SDCCAG8: variants seen among roughly 807,000 people sequenced by gnomAD.
SDCCAG8 encodes serologically defined colon cancer antigen 8.
A neutral mutation model predicts 101.8 loss-of-function variants in SDCCAG8; 74 were observed. The observed-to-expected ratio is 0.73, with a 90% CI of 0.60 to 0.88. The LOEUF is 0.88. Ranked by LOEUF, SDCCAG8 falls within the 40% of genes least tolerant of loss-of-function variation. The probability of loss-of-function intolerance (pLI) is 0.00; values close to 1 mark genes in which losing one functional copy is unlikely to be tolerated. For synonymous variants in SDCCAG8, 281 were observed against 292.9 expected (o/e 0.96, Z 0.41); for missense variants, 787 against 822.6 (o/e 0.96, Z 0.53).
chr1:243,303,043 A>G (rs757304910), intron 6 of SDCCAG8, among the ~76,000 whole-genome samples: 7 of 152,206 alleles, frequency 4.6e-5, no homozygotes, highest in African/African-American at 1.2e-4. Context: ...GAGATTGTGG[A>G]TGTGGTGGAA....
Position 243,341,047 on chromosome 1 carries a change from C to T in SDCCAG8, c.1230C>T (p.Ile410=). Residue 410 remains isoleucine (I), a synonymous_variant, in exon 11 of 18, where the codon ATC becomes ATT. Transcript: ENST00000366541. ...TTTATTTTCCCTTACAGATGTTGATCTTGTCTCAGAATATTGCCCAACTGG... is the reference window on the plus strand; with the variant it reads ...TTTATTTTCCCTTACAGATGTTGATTTTGTCTCAGAATATTGCCCAACTGG... ...EREYMGSKML[I]LSQNIAQLEA... 1 of 1,613,360 alleles carries T rather than the reference C, an allele frequency of 6.2e-7. No individual in the cohort carries two copies. The highest frequency in any genetic ancestry group is 2.2e-5 in the East Asian group (1 of 44,864).
intron 12 of SDCCAG8, among the ~76,000 whole-genome samples, chr1:243,352,066 AAAG>A (rs2076112122): frequency 6.6e-6 from 1 of 152,214 alleles, no homozygotes; most frequent in Admixed American, 6.5e-5. Context: ...ATGCTCAAAA[AAAG>A]AATCTATTAA....
intron 12 of SDCCAG8, among the ~76,000 whole-genome samples, chr1:243,355,405 G>A (rs2147831592): frequency 6.6e-6 from 1 of 152,120 alleles, no homozygotes; most frequent in South Asian, 2.1e-4. Context: ...CTTTCTTCAT[G>A]AGTCAAGCTG....
At chr1:243,409,604 G>A (rs760183112) in intron 13 of SDCCAG8, among the ~76,000 whole-genome samples, 2 of 152,140 alleles carry the variant, frequency 1.3e-5, no homozygotes, top group Non-Finnish European at 2.9e-5. Flanking sequence ...ATTACAAGAT[G>A]AGCCTGCAAC....
At chr1:243,435,243 T>C (rs1327881550) in intron 16 of SDCCAG8, among the ~76,000 whole-genome samples, 2 of 152,202 alleles carry the variant, frequency 1.3e-5, no homozygotes, top group Admixed American at 1.3e-4. Context: ...CTCTGGGCTT[T>C]CCTCAGTTTA....
Position 243,256,100 on chromosome 1 carries a change from G to T in SDCCAG8, c.-74G>T. 7.0e-7 allele frequency: 1 copy of T among 1,425,940 alleles called. No homozygotes were observed. 88.3% of individuals were successfully genotyped at this position (1,425,940 alleles called of 1,614,324 possible). On this transcript the variant is annotated 5_prime_UTR_variant, in exon 1 of 18. Transcript: ENST00000366541. ...GCAGGCGGGCGCTCCCCGGCCACAG[G>T]CCTGTTGTTCTCGGAAGGGAGAAAG...
chr1:243,412,120 A>G (rs902255604), intron 13 of SDCCAG8, among the ~76,000 whole-genome samples: 2 of 152,174 alleles, frequency 1.3e-5, no homozygotes, highest in Admixed American at 6.6e-5. Flanking sequence ...AGCATGTCTT[A>G]TCTATCTTTA....
intron 13 of SDCCAG8, among the ~76,000 whole-genome samples, chr1:243,386,430 G>A (rs908453868): frequency 2.0e-5 from 3 of 152,116 alleles, no homozygotes; most frequent in Non-Finnish European, 2.9e-5. Flanking sequence ...GGCCGGGCGC[G>A]GTGGCTCACG....
At chr1:243,329,068 T>A (rs2074406864) in intron 9 of SDCCAG8, among the ~76,000 whole-genome samples, 1 of 152,172 alleles carries the variant, frequency 6.6e-6, no homozygotes, top group Admixed American at 6.5e-5. Flanking sequence ...ACAAGAGCAA[T>A]TACATTTTGA....
chr1:243,341,177 C>G lies in SDCCAG8; in HGVS notation c.1356+4C>G, dbSNP rs770728867. On this transcript the variant is annotated splice_donor_region_variant and intron_variant, in intron 11 of 17. Transcript: ENST00000366541. ...TCGGGAAATGGATGTCACAAAGGTA[C>G]AGAAAGAGATTTTAGTGTAATCGTT... 1.9e-6 allele frequency: 3 copies of G among 1,613,620 alleles called. No homozygotes were observed. The African/African-American group carries it at 4.0e-5, about 22-fold the overall frequency.
intron 13 of SDCCAG8, among the ~76,000 whole-genome samples, chr1:243,401,113 A>G (rs2079368704): frequency 6.6e-6 from 1 of 152,216 alleles, no homozygotes; most frequent in Non-Finnish European, 1.5e-5. Context: ...ATAAATAACC[A>G]TCTTGTAATG....
At chr1:243,488,904 G>T in intron 16 of SDCCAG8, 110 bp from the exon 17 acceptor site, 1 of 1,525,032 alleles carries the variant, frequency 6.6e-7, no homozygotes, top group Non-Finnish European at 9.0e-7. Flanking sequence ...CACCCTAGGC[G>T]TCCTGCTCAT....
chr1:243,490,860 C>G (rs929554472), intron 17 of SDCCAG8, among the ~76,000 whole-genome samples: 1 of 152,254 alleles, frequency 6.6e-6, no homozygotes, highest in African/African-American at 2.4e-5. Flanking sequence ...AGAACCCAGC[C>G]CTGTGGGCAG....
intron 9 of SDCCAG8, among the ~76,000 whole-genome samples, chr1:243,328,119 G>A (rs150922496): frequency 0.015 from 2,346 of 152,144 alleles, 30 homozygotes; most frequent in Non-Finnish European, 0.02. Flanking sequence ...AGCCAGGATG[G>A]TCTCGATCTC....
chr1:243,354,893 G>T (rs998546319), intron 12 of SDCCAG8, among the ~76,000 whole-genome samples: 3 of 152,136 alleles, frequency 2.0e-5, no homozygotes, highest in Non-Finnish European at 4.4e-5. Flanking sequence ...ACAGATCCCT[G>T]GCATGTTTTT....
At chr1:243,338,273 G>A (rs2075147867) in intron 10 of SDCCAG8, among the ~76,000 whole-genome samples, 1 of 152,102 alleles carries the variant, frequency 6.6e-6, no homozygotes, top group South Asian at 2.1e-4. Flanking sequence ...AGAACATAAT[G>A]ACTGACCAGT....
intron 17 of SDCCAG8, among the ~76,000 whole-genome samples, chr1:243,491,469 G>T (rs1370609534): frequency 6.6e-6 from 1 of 152,218 alleles, no homozygotes; most frequent in Non-Finnish European, 1.5e-5. Context: ...AAGAAATTTG[G>T]TAGAGGGAAT....
At chr1:243,258,076 A>G (rs528352018) in intron 1 of SDCCAG8, among the ~76,000 whole-genome samples, 1 of 152,220 alleles carries the variant, frequency 6.6e-6, no homozygotes, top group Non-Finnish European at 1.5e-5. Flanking sequence ...TCATTTAAGG[A>G]TAATACATTT....
chr1:243,359,024 G>A (rs752375742), intron 12 of SDCCAG8, among the ~76,000 whole-genome samples: 4 of 152,140 alleles, frequency 2.6e-5, no homozygotes, highest in East Asian at 1.9e-4. Context: ...TTCTAAAATC[G>A]GTTGTGGTAA....
Sources: allele counts gnomAD v4.1 joint callset (sites outside exome capture counted in the v4.1 genomes callset), GRCh38; gene constraint gnomAD v4.1.1; transcripts MANE v1.5; gene names NCBI Gene and HGNC (gene_info 2026-07-23, HGNC 2026-07-21).